Variants in OXR1 observed in about 807,000 individuals in gnomAD.
OXR1 encodes the protein oxidation resistance protein 1.
Under a neutral mutation model 104.6 loss-of-function variants are expected in OXR1, and 41 were observed. That is an observed-to-expected ratio of 0.39 (90% CI 0.31 to 0.51). OXR1 has a LOEUF of 0.51. Among genes scored for constraint, OXR1 ranks in the 20% least tolerant of loss-of-function variants. The pLI, the probability that OXR1 is intolerant of heterozygous loss-of-function variation, is 0.77. For synonymous variants in OXR1, 348 were observed against 348.4 expected, an observed-to-expected ratio of 1.00 and a Z score of 0.01; for missense variants, 955 against 1,031.9, an observed-to-expected ratio of 0.93 and a Z score of 1.02.
intron 1 of OXR1, among the ~76,000 whole-genome samples, chr8:106,310,230 CTTT>C (rs10573304): frequency 0.22 from 31,722 of 142,348 alleles, 4,842 homozygotes; most frequent in African/African-American, 0.45. Context: ...TTCCTGTGAC[CTTT>C]TTTTTTTTTT....
chr8:106,356,295 G>A (rs1012731256), intron 1 of OXR1, among the ~76,000 whole-genome samples: 1 of 152,174 alleles, frequency 6.6e-6, no homozygotes, highest in Admixed American at 6.5e-5. Context: ...AAGGGGCAGA[G>A]AATGGATTTA....
At chr8:106,315,775 G>A (rs930799133) in intron 1 of OXR1, among the ~76,000 whole-genome samples, 3 of 152,120 alleles carry the variant, frequency 2.0e-5, no homozygotes, top group Non-Finnish European at 4.4e-5. Flanking sequence ...AAAAGACTCG[G>A]ATTCCACTTT....
intron 3 of OXR1, among the ~76,000 whole-genome samples, chr8:106,593,951 G>A (rs1819315524): frequency 6.6e-6 from 1 of 152,172 alleles, no homozygotes; most frequent in Non-Finnish European, 1.5e-5. Flanking sequence ...TTGCTTGATA[G>A]GCTGTGGTTT....
intron 2 of OXR1, among the ~76,000 whole-genome samples, chr8:106,380,734 T>C (rs886280280): frequency 6.6e-6 from 1 of 152,222 alleles, no homozygotes; most frequent in Admixed American, 6.5e-5. Context: ...TGGAGCATTT[T>C]TCTTATGCTT....
intron 2 of OXR1, among the ~76,000 whole-genome samples, chr8:106,426,160 A>G (rs1819110041): frequency 6.6e-6 from 1 of 152,172 alleles, no homozygotes; most frequent in Non-Finnish European, 1.5e-5. Context: ...ATATGGGATA[A>G]TAATATTTCC....
chr8:106,728,842 A>G (rs890264463), intron 11 of OXR1, among the ~76,000 whole-genome samples: 4 of 152,176 alleles, frequency 2.6e-5, no homozygotes, highest in South Asian at 2.1e-4. Context: ...AAATAGCATC[A>G]GTGTTTCATT....
intron 3 of OXR1, among the ~76,000 whole-genome samples, chr8:106,654,594 C>G (rs1824897851): frequency 6.6e-6 from 1 of 151,924 alleles, no homozygotes; most frequent in Non-Finnish European, 1.5e-5. Flanking sequence ...AGATCAAAGT[C>G]CTATGTTAGA....
At chr8:106,273,028 T>TTATA (rs969155532) in intron 1 of OXR1, 8 of 152,166 alleles carry the variant, frequency 5.3e-5, no homozygotes, top group Non-Finnish European at 1.0e-4. Flanking sequence ...AAAGGCTTCA[T>TTATA]TATAGAATGC....
intron 2 of OXR1, among the ~76,000 whole-genome samples, chr8:106,418,103 T>C (rs115128184): frequency 0.016 from 2,454 of 152,078 alleles, 72 homozygotes; most frequent in African/African-American, 0.056. Flanking sequence ...GACAGATCAC[T>C]CAAAAATGTA....
At chr8:106,323,142 A>G (rs958091234) in intron 1 of OXR1, among the ~76,000 whole-genome samples, 4 of 152,228 alleles carry the variant, frequency 2.6e-5, no homozygotes, top group African/African-American at 4.8e-5. Flanking sequence ...AGACTATACT[A>G]CAAGGCTACA....
chr8:106,382,955 G>T (rs138041213), intron 2 of OXR1, among the ~76,000 whole-genome samples: 84 of 151,550 alleles, frequency 5.5e-4, no homozygotes, highest in African/African-American at 2.0e-3. Context: ...CTGATTTTGT[G>T]CATCTATAGT....
intron 11 of OXR1, among the ~76,000 whole-genome samples, chr8:106,732,715 G>T (rs1331831423): frequency 1.3e-5 from 2 of 152,078 alleles, no homozygotes; most frequent in African/African-American, 4.8e-5. Flanking sequence ...GTCTTGCGTA[G>T]GTGGGATAAG....
intron 1 of OXR1, among the ~76,000 whole-genome samples, chr8:106,308,613 T>C (rs2130121590): frequency 1.3e-5 from 2 of 152,266 alleles, no homozygotes; most frequent in South Asian, 4.1e-4. Context: ...TCTAGTTAGA[T>C]CAAAATCCAA....
At chr8:106,444,537 G>A (rs1245657482) in intron 2 of OXR1, among the ~76,000 whole-genome samples, 1 of 152,140 alleles carries the variant, frequency 6.6e-6, no homozygotes, top group Admixed American at 6.5e-5. Context: ...GTCCTTTGCA[G>A]GGACATGGAT....
chr8:106,567,331 G>T (rs757754168), intron 3 of OXR1, among the ~76,000 whole-genome samples: 3 of 152,130 alleles, frequency 2.0e-5, no homozygotes, highest in African/African-American at 7.2e-5. Flanking sequence ...GTTTTAAAAT[G>T]ATTACTCATC....
intron 2 of OXR1, among the ~76,000 whole-genome samples, chr8:106,515,312 G>A (rs145518908): frequency 6.4e-4 from 97 of 152,000 alleles, no homozygotes; most frequent in African/African-American, 2.3e-3. Context: ...TATTTTTTGT[G>A]GTGACAACGC....
rs139200294 is a variant in OXR1, at chr8:106,609,983, T to C, written c.221-69227T>C. On this transcript the variant is annotated intron_variant, in intron 3 of 16. Transcript: ENST00000517566. ...TCAGTTCACATCTGTGGGAAGATGA[T>C]GCTCAAATTTAAATTTCTAGCCCAG... Among the ~76,000 whole-genome samples the C allele has an allele frequency of 2.9e-3, 445 of 152,290 alleles. 2 individuals carry two copies. The highest frequency in any genetic ancestry group is 0.01 in the African/African-American group (426 of 41,570).
chr8:106,479,309 C>T (rs1019163577), intron 2 of OXR1, among the ~76,000 whole-genome samples: 2 of 151,956 alleles, frequency 1.3e-5, no homozygotes, highest in African/African-American at 4.8e-5. Context: ...AATAATTATG[C>T]ATGCCATCAT....
chr8:106,675,016 A>G (rs1827422653), intron 3 of OXR1, among the ~76,000 whole-genome samples: 1 of 152,222 alleles, frequency 6.6e-6, no homozygotes, highest in African/African-American at 2.4e-5. Flanking sequence ...GAGTAGAAAG[A>G]AAAAGCAGAA....
Sources: allele counts gnomAD v4.1 joint callset (sites outside exome capture counted in the v4.1 genomes callset), GRCh38; gene constraint gnomAD v4.1.1; transcripts MANE v1.5; gene names NCBI Gene and HGNC (gene_info 2026-07-23, HGNC 2026-07-21).